The following ARHGAP15 variants were observed in gnomAD, a reference collection of about 807,000 sequenced individuals.
ARHGAP15 encodes Rho GTPase activating protein 15, also known as rho GTPase-activating protein 15.
In ARHGAP15, 51 loss-of-function variants were observed where a neutral mutation model predicts 63.7. The observed-to-expected ratio is 0.80, with a 90% CI of 0.64 to 1.01. The LOEUF (loss-of-function observed/expected upper bound fraction) is 1.01, where lower values mean the gene tolerates loss of function less well. Ranked by LOEUF, ARHGAP15 falls within the 50% of genes least tolerant of loss-of-function variation. The pLI, the probability that ARHGAP15 is intolerant of heterozygous loss-of-function variation, is 0.00. For missense variants in ARHGAP15, 560 were observed against 564.6 expected, an observed-to-expected ratio of 0.99 and a Z score of 0.08; for synonymous variants, 191 against 193.8, an observed-to-expected ratio of 0.99 and a Z score of 0.12.
chr2:143,232,376 T>G (rs1439079469), intron 5 of ARHGAP15, among the ~76,000 whole-genome samples: 3 of 152,154 alleles, frequency 2.0e-5, no homozygotes, highest in Non-Finnish European at 2.9e-5. Flanking sequence ...TCAAGACAGG[T>G]GGATCGGGAC....
intron 12 of ARHGAP15, among the ~76,000 whole-genome samples, chr2:143,638,733 G>C (rs945905753): frequency 7.6e-6 from 1 of 131,762 alleles, no homozygotes; most frequent in African/African-American, 2.9e-5. Flanking sequence ...AATTTACAAA[G>C]TGAAGTTCTC....
intron 6 of ARHGAP15, among the ~76,000 whole-genome samples, chr2:143,364,418 G>A (rs1441114489): frequency 2.6e-5 from 4 of 152,148 alleles, no homozygotes; most frequent in African/African-American, 4.8e-5. Flanking sequence ...GGGAGGGACA[G>A]CATTTCATTA....
chr2:143,291,472 T>A (rs1294019323), intron 6 of ARHGAP15, among the ~76,000 whole-genome samples: 1 of 149,978 alleles, frequency 6.7e-6, no homozygotes. Context: ...TTGCTAAGTG[T>A]TATGCCATAA....
At chr2:143,478,833 CT>C (rs1198461840) in intron 8 of ARHGAP15, among the ~76,000 whole-genome samples, 29 of 152,124 alleles carry the variant, frequency 1.9e-4, no homozygotes, top group African/African-American at 6.5e-4. Flanking sequence ...GATTATTTGG[CT>C]TTAAGACATT....
intron 6 of ARHGAP15, among the ~76,000 whole-genome samples, chr2:143,265,032 CAG>C (rs1344148337): frequency 6.6e-6 from 1 of 152,080 alleles, no homozygotes; most frequent in Non-Finnish European, 1.5e-5. Flanking sequence ...GGAATCATAC[CAG>C]AGTCTTAGAA....
intron 6 of ARHGAP15, among the ~76,000 whole-genome samples, chr2:143,426,845 C>T (rs534638107): frequency 2.0e-5 from 3 of 152,274 alleles, no homozygotes; most frequent in South Asian, 4.2e-4. Context: ...TCATATGTAT[C>T]TTCTGTTCTC....
intron 1 of ARHGAP15, among the ~76,000 whole-genome samples, chr2:143,132,538 G>A (rs1436640050): frequency 8.5e-5 from 13 of 152,210 alleles, no homozygotes; most frequent in Admixed American, 7.9e-4. Flanking sequence ...ATTTAGATCT[G>A]ATGGGACTGA....
intron 6 of ARHGAP15, among the ~76,000 whole-genome samples, chr2:143,293,164 C>T (rs1682484268): frequency 1.3e-5 from 2 of 152,030 alleles, no homozygotes; most frequent in Admixed American, 1.3e-4. Context: ...TGATACCACC[C>T]TCTTGGACAC....
chr2:143,329,254 A>G (rs1342750414), intron 6 of ARHGAP15, among the ~76,000 whole-genome samples: 1 of 152,348 alleles, frequency 6.6e-6, no homozygotes, highest in African/African-American at 2.4e-5. Flanking sequence ...TTGAAAATGC[A>G]GTTAAGGTCC....
intron 6 of ARHGAP15, among the ~76,000 whole-genome samples, chr2:143,350,154 C>T (rs753333303): frequency 3.3e-5 from 5 of 152,012 alleles, no homozygotes; most frequent in Non-Finnish European, 5.9e-5. Context: ...GGACTATCTT[C>T]CCTCAGTGAA....
At chr2:143,258,349 T>A (rs1680530318) in intron 6 of ARHGAP15, among the ~76,000 whole-genome samples, 1 of 151,932 alleles carries the variant, frequency 6.6e-6, no homozygotes, top group Non-Finnish European at 1.5e-5. Flanking sequence ...CTCAGAGCAA[T>A]GTTTAAAGCA....
intron 12 of ARHGAP15, among the ~76,000 whole-genome samples, chr2:143,674,170 C>T (rs1449792223): frequency 2.0e-5 from 3 of 152,048 alleles, no homozygotes; most frequent in East Asian, 3.9e-4. Context: ...GCAATGAAAA[C>T]ATTTGTCAAC....
At chr2:143,680,021 TAAAAA>T (rs55927433) in intron 12 of ARHGAP15, among the ~76,000 whole-genome samples, 52 of 101,586 alleles carry the variant, frequency 5.1e-4, no homozygotes, top group African/African-American at 2.2e-3. Flanking sequence ...AGTAAATGAT[TAAAAA>T]AAAAAAAAAA....
At chr2:143,560,847 G>T (rs557346851) in intron 11 of ARHGAP15, among the ~76,000 whole-genome samples, 3 of 152,296 alleles carry the variant, frequency 2.0e-5, no homozygotes, top group African/African-American at 7.2e-5. Context: ...GAGGATTCTC[G>T]ATTTACTAGG....
At chr2:143,595,692 G>A (rs1697489123) in intron 11 of ARHGAP15, among the ~76,000 whole-genome samples, 1 of 152,052 alleles carries the variant, frequency 6.6e-6, no homozygotes, top group Non-Finnish European at 1.5e-5. Context: ...GATTGTGATG[G>A]AGGAGGAATT....
intron 6 of ARHGAP15, among the ~76,000 whole-genome samples, chr2:143,426,009 T>C (rs1234304973): frequency 6.6e-6 from 1 of 152,122 alleles, no homozygotes; most frequent in African/African-American, 2.4e-5. Context: ...ATAGATACCG[T>C]TCTTTCTTGT....
chr2:143,480,553 T>C (rs1692032690), intron 8 of ARHGAP15, among the ~76,000 whole-genome samples: 1 of 152,248 alleles, frequency 6.6e-6, no homozygotes, highest in African/African-American at 2.4e-5. Flanking sequence ...CAGCATTCCC[T>C]CTTTCAATTA....
At chr2:143,259,148 AG>A (rs1340447838) in intron 6 of ARHGAP15, among the ~76,000 whole-genome samples, 1 of 152,144 alleles carries the variant, frequency 6.6e-6, no homozygotes, top group African/African-American at 2.4e-5. Flanking sequence ...ATTCATGGAA[AG>A]GGAGGTTACG....
chr2:143,498,981 G>T (rs2104928187), intron 9 of ARHGAP15, among the ~76,000 whole-genome samples: 1 of 152,182 alleles, frequency 6.6e-6, no homozygotes, highest in Admixed American at 6.5e-5. Context: ...TTCACAAAAG[G>T]CTCATTCCCC....
Sources: gnomAD v4.1 joint callset for allele counts (sites outside exome capture counted in the v4.1 genomes callset) on GRCh38, gnomAD v4.1.1 for gene constraint, MANE v1.5 for transcripts, NCBI Gene and HGNC (gene_info 2026-07-23, HGNC 2026-07-21) for gene names.